The following KIF13B variants were observed in gnomAD, a reference collection of about 807,000 sequenced individuals.
The protein encoded by KIF13B is kinesin-like protein KIF13B.
Under a neutral mutation model 222.0 loss-of-function variants are expected in KIF13B, and 127 were observed. That is an observed-to-expected ratio of 0.57 (90% confidence interval 0.50 to 0.66). The LOEUF is 0.66. KIF13B is among the 30% of genes least tolerant of loss of function. The pLI is 0.00. For synonymous variants in KIF13B, 976 were observed against 919.0 expected (o/e 1.06, Z -1.12); for missense variants, 2,173 against 2,379.0 (o/e 0.91, Z 1.80).
chr8:29,166,854 T>C (rs1034716507), intron 11 of KIF13B, among the ~76,000 whole-genome samples: 2 of 152,220 alleles, frequency 1.3e-5, no homozygotes, highest in African/African-American at 4.8e-5. Flanking sequence ...AGAAAACAGC[T>C]GTAATAGAGT....
chr8:29,168,777 C>T lies in KIF13B; in HGVS notation c.946-1192G>A, dbSNP rs142708222. Among the ~76,000 whole-genome samples the T allele has an allele frequency of 5.1e-4, 78 of 152,270 alleles. 1 individual carries two copies. The East Asian group carries it at 0.015, about 29-fold the overall frequency. On this transcript the variant is annotated intron_variant, in intron 10 of 39. Transcript: ENST00000524189. ...TTAATTACATCCATGTGAAACAACC[C>T]GGCTAGAGCCACGTCATTAAGCCAC...
At chr8:29,205,805 A>G (rs1813903742) in intron 2 of KIF13B, among the ~76,000 whole-genome samples, 1 of 152,058 alleles carries the variant, frequency 6.6e-6, no homozygotes, top group Non-Finnish European at 1.5e-5. Flanking sequence ...AAAAGAGGCC[A>G]GGCGTGGTGG....
At chr8:29,139,390 T>A (rs180993371) in intron 21 of KIF13B, among the ~76,000 whole-genome samples, 60 of 152,260 alleles carry the variant, frequency 3.9e-4, no homozygotes, top group African/African-American at 1.4e-3. Flanking sequence ...TATGTCTCCA[T>A]CTCCGATCAT....
chr8:29,129,028 C>A (rs1810234238), intron 24 of KIF13B, among the ~76,000 whole-genome samples: 1 of 152,134 alleles, frequency 6.6e-6, no homozygotes, highest in Admixed American at 6.6e-5. Flanking sequence ...TAATTTATGG[C>A]CTCTGTGTCT....
intron 24 of KIF13B, among the ~76,000 whole-genome samples, chr8:29,127,820 A>C (rs1437761390): frequency 6.6e-6 from 1 of 152,150 alleles, no homozygotes; most frequent in Non-Finnish European, 1.5e-5. Flanking sequence ...TACACAAAAA[A>C]TCTTAAGCAC....
At chr8:29,102,428 C>T (rs143423797) in intron 35 of KIF13B, among the ~76,000 whole-genome samples, 20 of 152,326 alleles carry the variant, frequency 1.3e-4, no homozygotes, top group African/African-American at 4.8e-4. Flanking sequence ...GCACATTTGT[C>T]CTCACCGGCA....
intron 2 of KIF13B, among the ~76,000 whole-genome samples, chr8:29,199,757 G>A (rs540222528): frequency 3.3e-5 from 5 of 152,102 alleles, no homozygotes; most frequent in Non-Finnish European, 7.4e-5. Context: ...AACAATCTAC[G>A]AATCACACAT....
chr8:29,091,903 A>G (rs961992184), intron 37 of KIF13B, among the ~76,000 whole-genome samples: 6 of 152,210 alleles, frequency 3.9e-5, no homozygotes, highest in Admixed American at 1.3e-4. Flanking sequence ...TAAAAATTAC[A>G]TATCTGCATG....
Position 29,134,101 on chromosome 8 carries a change from T to C in KIF13B, c.2723A>G (p.Asp908Gly), listed in dbSNP as rs766537790. 3 of 1,613,982 alleles carry C rather than the reference T, an allele frequency of 1.9e-6. No individual in the cohort carries two copies. Among genetic ancestry groups the C allele is most frequent in the Non-Finnish European group, 2.5e-6 (3 of 1,179,874 alleles). ...CTTGCTGACGGAAGAGGAGGAGGTG[T>C]CCACTTCAGGAGCGACAATCACCGG... Reference protein sequence around the residue: ...QEPVIVAPEVDTSSSSVSKEP... With the variant: ...QEPVIVAPEVGTSSSSVSKEP... Residue 908 changes from aspartate (D) to glycine (G), a missense_variant, in exon 22 of 40, where the codon GAC becomes GGC. Asp to Gly is a moderately conservative substitution (Grantham distance 94, BLOSUM62 -1). Transcript: ENST00000524189.
intron 21 of KIF13B, among the ~76,000 whole-genome samples, chr8:29,138,798 G>C (rs572331295): frequency 1.9e-4 from 29 of 152,304 alleles, no homozygotes; most frequent in African/African-American, 7.0e-4. Flanking sequence ...GGCAAAAAGA[G>C]AAAGCGAGCG....
Position 29,070,467 on chromosome 8 carries a change from C to T in KIF13B, c.*37G>A, listed in dbSNP as rs559963152. On this transcript the variant is annotated 3_prime_UTR_variant, in exon 40 of 40. Coordinates refer to ENST00000524189, the MANE Select transcript of KIF13B (RefSeq NM_015254.4). The surrounding 1 kb of genome is among the most constrained non-coding windows in gnomAD (Gnocchi z 4.1). Reference sequence around the variant, plus strand: ...GTCACTGGCAGGGCTCAAAAGGGGCCGGGCACCCCCAGAAAAGTTCGCCCT... The same window carrying T: ...GTCACTGGCAGGGCTCAAAAGGGGCTGGGCACCCCCAGAAAAGTTCGCCCT... 28 of 1,601,448 alleles carry T rather than the reference C, an allele frequency of 1.7e-5. No individual in the cohort carries two copies. The highest frequency in any genetic ancestry group is 1.7e-4 in the Middle Eastern group (1 of 5,918).
chr8:29,126,451 T>C, intron 26 of KIF13B, 31 bp downstream of exon 26: 2 of 1,436,044 alleles, frequency 1.4e-6, no homozygotes, highest in Non-Finnish European at 1.9e-6. Context: ...ATCATGCTTA[T>C]TTGAGATGAG....
intron 24 of KIF13B, among the ~76,000 whole-genome samples, chr8:29,127,614 T>C (rs1208421545): frequency 1.3e-5 from 2 of 152,246 alleles, no homozygotes; most frequent in Non-Finnish European, 2.9e-5. Flanking sequence ...CACACCTGTA[T>C]TTTCACTTCC....
chr8:29,131,368 C>T (rs897180087), intron 23 of KIF13B, among the ~76,000 whole-genome samples: 4 of 149,672 alleles, frequency 2.7e-5, no homozygotes, highest in Admixed American at 2.7e-4. Flanking sequence ...AAAGCAAATA[C>T]AGGGGTTGTC....
chr8:29,239,695 C>T (rs979174883), intron 2 of KIF13B, among the ~76,000 whole-genome samples: 6 of 152,160 alleles, frequency 3.9e-5, no homozygotes, highest in Admixed American at 2.6e-4. Context: ...CTAAGTCTTA[C>T]TCTATCGCCC....
intron 31 of KIF13B, among the ~76,000 whole-genome samples, chr8:29,114,754 C>T (rs994295877): frequency 6.6e-6 from 1 of 152,168 alleles, no homozygotes; most frequent in African/African-American, 2.4e-5. Context: ...AACCTATTGT[C>T]CCTACAATAG....
Position 29,177,497 on chromosome 8 carries a change from C to T in KIF13B, c.802G>A (p.Asp268Asn). ...ATGTTGCTCCCTTCCTTCAGCCTGT[C>T]CCCTGCAGCGCCTGTCTTCGTTGCT... ...ERATKTGAAG[D>N]RLKEGSNINK... is the part of the protein sequence containing the mutation. The change falls in exon 9 of 40, where the codon GAC becomes AAC. Residue 268 changes from aspartate to asparagine, a missense_variant. By Grantham distance (23) the Asp-to-Asn change is conservative. Coordinates refer to ENST00000524189, the MANE Select transcript of KIF13B (RefSeq NM_015254.4). 1.9e-6 allele frequency: 3 copies of T among 1,613,514 alleles called. No individual in the cohort carries two copies. The highest frequency in any genetic ancestry group is 2.5e-6 in the Non-Finnish European group (3 of 1,179,450).
chr8:29,078,312 A>AG (rs1284322839), intron 37 of KIF13B, among the ~76,000 whole-genome samples: 2 of 151,384 alleles, frequency 1.3e-5, no homozygotes, highest in African/African-American at 4.9e-5. Context: ...AAAAAAAAAA[A>AG]AGAGAGAGGA....
intron 1 of KIF13B, among the ~76,000 whole-genome samples, chr8:29,250,987 C>T (rs1215065177): frequency 6.6e-6 from 1 of 151,988 alleles, no homozygotes; most frequent in Non-Finnish European, 1.5e-5. Flanking sequence ...CCCATCTCTA[C>T]AAAAAATACA....
Sources: gnomAD v4.1 joint callset for allele counts (sites outside exome capture counted in the v4.1 genomes callset) on GRCh38, gnomAD v4.1.1 for gene constraint, Gnocchi (gnomAD v3.1) non-coding constraint, MANE v1.5 for transcripts, NCBI Gene and HGNC (gene_info 2026-07-23, HGNC 2026-07-21) for gene names.